The following CHN1 variants were observed in gnomAD, a reference collection of about 807,000 sequenced individuals.
CHN1 encodes the protein N-chimaerin.
A neutral mutation model predicts 59.5 loss-of-function variants in CHN1; 37 were observed. The observed-to-expected ratio is 0.62, with a 90% CI of 0.48 to 0.82. The LOEUF (loss-of-function observed/expected upper bound fraction) is 0.82. Ranked by LOEUF, CHN1 falls within the 40% of genes least tolerant of loss-of-function variation. CHN1 has a pLI of 0.00. For missense variants in CHN1, 469 were observed against 571.0 expected (o/e 0.82, Z 1.82); for synonymous variants, 206 against 200.4 (o/e 1.03, Z -0.24).
chr2:174,820,534 C>T (rs911319960), intron 8 of CHN1, among the ~76,000 whole-genome samples: 7 of 152,230 alleles, frequency 4.6e-5, no homozygotes, highest in Admixed American at 6.5e-5. Context: ...TGCAACATCA[C>T]TTTCTTCACT....
At chr2:174,902,492 GTCA>G (rs1273651046) in intron 5 of CHN1, among the ~76,000 whole-genome samples, 1 of 152,150 alleles carries the variant, frequency 6.6e-6, no homozygotes. Context: ...AAATGTTACT[GTCA>G]TCATGTGTTA....
At chr2:174,903,850 G>A (rs1688461813) in intron 5 of CHN1, among the ~76,000 whole-genome samples, 1 of 152,040 alleles carries the variant, frequency 6.6e-6, no homozygotes, top group Non-Finnish European at 1.5e-5. Flanking sequence ...GTTAACCCTT[G>A]AGAATAAGTT....
At chr2:174,921,688 A>T (rs1184308780) in intron 3 of CHN1, among the ~76,000 whole-genome samples, 12 of 152,146 alleles carry the variant, frequency 7.9e-5, no homozygotes, top group Non-Finnish European at 1.8e-4. Context: ...CAATTATGGC[A>T]GAAGGGGAAG....
intron 1 of CHN1, among the ~76,000 whole-genome samples, chr2:174,968,797 A>T (rs921674900): frequency 9.2e-5 from 14 of 152,368 alleles, no homozygotes; most frequent in African/African-American, 3.4e-4. Flanking sequence ...TTTCTCAATT[A>T]TAAAATCCAA....
intron 1 of CHN1, among the ~76,000 whole-genome samples, chr2:174,998,821 C>G (rs577855348): frequency 6.6e-5 from 10 of 152,038 alleles, no homozygotes; most frequent in Non-Finnish European, 1.5e-4. Context: ...ATGTAAAAAG[C>G]TCTTAAAGGT....
At chr2:174,814,368 ATTC>A (rs1005660959) in intron 8 of CHN1, among the ~76,000 whole-genome samples, 4 of 152,238 alleles carry the variant, frequency 2.6e-5, no homozygotes, top group African/African-American at 9.6e-5. Context: ...CAAATCCCAA[ATTC>A]TTCTTTATCT....
intron 6 of CHN1, among the ~76,000 whole-genome samples, chr2:174,858,192 G>A (rs1686964629): frequency 6.6e-6 from 1 of 151,944 alleles, no homozygotes; most frequent in Non-Finnish European, 1.5e-5. Flanking sequence ...TTTTAAAAAG[G>A]GCCTGTTACA....
chr2:174,835,405 G>A (rs1218158995), intron 7 of CHN1, among the ~76,000 whole-genome samples: 2 of 151,894 alleles, frequency 1.3e-5, no homozygotes, highest in Admixed American at 1.3e-4. Context: ...AGTGTTCACT[G>A]CATTTTTGGA....
intron 7 of CHN1, chr2:174,846,351 T>C: frequency 6.5e-7 from 1 of 1,549,412 alleles, no homozygotes; most frequent in Non-Finnish European, 8.7e-7. Flanking sequence ...GAGGAGAAGC[T>C]GCTAGTGTCA....
At chr2:174,805,853 C>G (rs941438495) in intron 11 of CHN1, among the ~76,000 whole-genome samples, 1 of 152,164 alleles carries the variant, frequency 6.6e-6, no homozygotes, top group Non-Finnish European at 1.5e-5. Context: ...GGCTTCTCTT[C>G]CAGAGATTTC....
chr2:174,855,059 A>G (rs1356037877), intron 6 of CHN1, among the ~76,000 whole-genome samples: 1 of 152,174 alleles, frequency 6.6e-6, no homozygotes, highest in African/African-American at 2.4e-5. Flanking sequence ...CAAATGACCA[A>G]TTATACTCTT....
At chr2:174,879,833 A>G (rs1476634251) in intron 5 of CHN1, among the ~76,000 whole-genome samples, 1 of 152,180 alleles carries the variant, frequency 6.6e-6, no homozygotes, top group African/African-American at 2.4e-5. Flanking sequence ...CAGTGGATAC[A>G]GAACTTAAAA....
intron 11 of CHN1, among the ~76,000 whole-genome samples, chr2:174,803,197 C>G (rs1311032449): frequency 1.3e-5 from 2 of 152,102 alleles, no homozygotes; most frequent in Non-Finnish European, 2.9e-5. Context: ...ATAAAACAAA[C>G]CAACTCAATA....
intron 6 of CHN1, among the ~76,000 whole-genome samples, chr2:174,874,737 A>T (rs1687509130): frequency 6.6e-6 from 1 of 152,196 alleles, no homozygotes. Flanking sequence ...TTATTTTTCA[A>T]AAATGTTCTT....
chr2:174,983,186 G>A (rs996990550), intron 1 of CHN1, among the ~76,000 whole-genome samples: 6 of 152,232 alleles, frequency 3.9e-5, no homozygotes, highest in African/African-American at 1.4e-4. Context: ...ATTAATCATG[G>A]AGCTTATGAT....
At chr2:174,837,939 TAAC>T (rs1462682119) in intron 7 of CHN1, among the ~76,000 whole-genome samples, 1 of 152,192 alleles carries the variant, frequency 6.6e-6, no homozygotes, top group Non-Finnish European at 1.5e-5. Flanking sequence ...CACTATTACA[TAAC>T]AAATGATGAA....
At chr2:174,870,019 T>C (rs1349702294) in intron 6 of CHN1, among the ~76,000 whole-genome samples, 1 of 152,162 alleles carries the variant, frequency 6.6e-6, no homozygotes, top group Non-Finnish European at 1.5e-5. Context: ...TGAAGTAATG[T>C]AGATATTATT....
intron 6 of CHN1, among the ~76,000 whole-genome samples, chr2:174,875,609 C>G (rs540242031): frequency 6.6e-6 from 1 of 152,300 alleles, no homozygotes; most frequent in Admixed American, 6.5e-5. Flanking sequence ...TTAATTCCAA[C>G]ACTAGTATCT....
chr2:174,805,713 A>G (rs916863261), intron 11 of CHN1, among the ~76,000 whole-genome samples: 1 of 152,236 alleles, frequency 6.6e-6, no homozygotes, highest in African/African-American at 2.4e-5. Context: ...TAAAGATCTA[A>G]TTAAAAGCTC....
Sources: gnomAD v4.1 joint callset for allele counts (sites outside exome capture counted in the v4.1 genomes callset) on GRCh38, gnomAD v4.1.1 for gene constraint, MANE v1.5 for transcripts, NCBI Gene and HGNC (gene_info 2026-07-23, HGNC 2026-07-21) for gene names.